PRDM16: variants seen among roughly 807,000 people sequenced by gnomAD.
PRDM16 encodes histone-lysine N-methyltransferase PRDM16.
PRDM16 carries 23 observed loss-of-function variants against 110.6 expected under a neutral mutation model. That is an observed-to-expected ratio of 0.21 (90% CI 0.15 to 0.29). PRDM16 has a LOEUF of 0.29. Among genes scored for constraint, PRDM16 ranks in the 10% least tolerant of loss-of-function variants. The probability of loss-of-function intolerance (pLI) is 1.00; values close to 1 mark genes in which losing one functional copy is unlikely to be tolerated. For synonymous variants in PRDM16, 799 were observed against 781.8 expected (o/e 1.02, Z -0.37); for missense variants, 1,615 against 1,794.3 (o/e 0.90, Z 1.81).
At chr1:3,314,324 T>G (rs1009724548) in intron 3 of PRDM16, among the ~76,000 whole-genome samples, 1 of 152,136 alleles carries the variant, frequency 6.6e-6, no homozygotes, top group Non-Finnish European at 1.5e-5. Context: ...AGACTGTTTC[T>G]GAAATCGGTC....
intron 2 of PRDM16, among the ~76,000 whole-genome samples, chr1:3,198,036 G>C (rs1332152403): frequency 1.3e-5 from 2 of 152,212 alleles, no homozygotes; most frequent in African/African-American, 4.8e-5. Context: ...GCCTCAACCA[G>C]AGATGAGGGT....
intron 1 of PRDM16, among the ~76,000 whole-genome samples, chr1:3,090,459 G>A (rs900365816): frequency 1.3e-5 from 2 of 152,206 alleles, no homozygotes; most frequent in African/African-American, 2.4e-5. Context: ...CAGGCCGGGC[G>A]ACTGGCTCCC....
chr1:3,113,754 C>T (rs1031310375), intron 1 of PRDM16, among the ~76,000 whole-genome samples: 9 of 152,200 alleles, frequency 5.9e-5, no homozygotes, highest in African/African-American at 2.2e-4. Context: ...GCAGAACCCC[C>T]GTCTGGGGGC....
chr1:3,075,414 C>A (rs1641874795), intron 1 of PRDM16, among the ~76,000 whole-genome samples: 1 of 152,212 alleles, frequency 6.6e-6, no homozygotes, highest in African/African-American at 2.4e-5. Context: ...CCCCTGGGGA[C>A]AAATGCGATT....
chr1:3,094,945 G>A (rs1028774358), intron 1 of PRDM16, among the ~76,000 whole-genome samples: 4 of 152,210 alleles, frequency 2.6e-5, no homozygotes, highest in Admixed American at 6.5e-5. Flanking sequence ...CCCGGTGCTC[G>A]TGACCGAGAC....
chr1:3,349,628 A>G (rs575552579), intron 3 of PRDM16, among the ~76,000 whole-genome samples: 1 of 152,190 alleles, frequency 6.6e-6, no homozygotes, highest in Non-Finnish European at 1.5e-5. Flanking sequence ...GAGCCGAGGC[A>G]GCCCGGCAGA....
intron 1 of PRDM16, among the ~76,000 whole-genome samples, chr1:3,100,277 C>T (rs192402637): frequency 4.0e-4 from 61 of 152,318 alleles, no homozygotes; most frequent in African/African-American, 1.3e-3. Context: ...GTAGCAGCAA[C>T]GCCACATCAC....
At chr1:3,092,796 T>C (rs563788013) in intron 1 of PRDM16, among the ~76,000 whole-genome samples, 1 of 152,148 alleles carries the variant, frequency 6.6e-6, no homozygotes, top group South Asian at 2.1e-4. Context: ...TGGGCTGGGA[T>C]TGGGGTCAGG....
At position 3,300,954 on chromosome 1, in the gene PRDM16, G is replaced by A. The variant is rs181921045; in HGVS notation, c.438+56817G>A. ...ACTTATCACCTGGAAGGCAGTCCCC[G>A]TTTTCTCGTCTCCACCAAGGGAGCT... On this transcript the variant is annotated intron_variant, in intron 3 of 16. Transcript: ENST00000270722. Among the ~76,000 whole-genome samples, 40 of 152,266 alleles carry A rather than the reference G, an allele frequency of 2.6e-4. No homozygotes were observed. In the East Asian group the frequency reaches 6.6e-3, roughly 25 times the overall value.
chr1:3,084,854 T>TG (rs1642114302), intron 1 of PRDM16, among the ~76,000 whole-genome samples: 1 of 152,094 alleles, frequency 6.6e-6, no homozygotes, highest in Non-Finnish European at 1.5e-5. Context: ...AGTGATTCTT[T>TG]GGGCCAGTAG....
intron 3 of PRDM16, among the ~76,000 whole-genome samples, chr1:3,363,238 G>A (rs753961928): frequency 3.9e-5 from 6 of 152,202 alleles, no homozygotes; most frequent in African/African-American, 1.4e-4. Context: ...AGGGCTGCCC[G>A]CCTCTCAAGA....
chr1:3,383,529 G>A (rs907473548), intron 3 of PRDM16, among the ~76,000 whole-genome samples: 8 of 152,188 alleles, frequency 5.3e-5, no homozygotes, highest in East Asian at 1.9e-4. Flanking sequence ...CACAGAGACC[G>A]GGGCACGTGG....
intron 1 of PRDM16, among the ~76,000 whole-genome samples, chr1:3,164,133 G>A (rs907710063): frequency 2.6e-5 from 4 of 152,228 alleles, no homozygotes; most frequent in South Asian, 2.1e-4. Flanking sequence ...AGAGGCCGCC[G>A]CTTCATGAAT....
At chr1:3,070,523 C>A (rs1403600917) in intron 1 of PRDM16, among the ~76,000 whole-genome samples, 2 of 150,312 alleles carry the variant, frequency 1.3e-5, no homozygotes, top group African/African-American at 4.8e-5. Context: ...CCGCCGCCCC[C>A]TCCTCTGCAG....
chr1:3,375,811 G>T (rs1642981154), intron 3 of PRDM16, among the ~76,000 whole-genome samples: 1 of 152,200 alleles, frequency 6.6e-6, no homozygotes, highest in African/African-American at 2.4e-5. Flanking sequence ...TTTCTTCAAT[G>T]TTCATAGACG....
At chr1:3,334,369 G>A (rs1187127058) in intron 3 of PRDM16, among the ~76,000 whole-genome samples, 2 of 152,212 alleles carry the variant, frequency 1.3e-5, no homozygotes, top group Non-Finnish European at 2.9e-5. Flanking sequence ...GCCAGGGGGA[G>A]ATGGCGAGGC....
chr1:3,277,776 C>T (rs372475077), intron 3 of PRDM16, among the ~76,000 whole-genome samples: 12 of 145,746 alleles, frequency 8.2e-5, no homozygotes, highest in Admixed American at 1.4e-4. Flanking sequence ...CGCACACACA[C>T]GCACACATAT....
chr1:3,156,202 C>T (rs1643856839), intron 1 of PRDM16, among the ~76,000 whole-genome samples: 1 of 152,102 alleles, frequency 6.6e-6, no homozygotes, highest in Admixed American at 6.5e-5. Flanking sequence ...AATGAGGGTC[C>T]CGGGCTGCTC....
chr1:3,150,525 T>C, intron 1 of PRDM16, among the ~76,000 whole-genome samples: 1 of 152,028 alleles, frequency 6.6e-6, no homozygotes, highest in East Asian at 1.9e-4. Flanking sequence ...GCCACAGCGC[T>C]CCAGCCTGGG....
Sources: allele counts gnomAD v4.1 joint callset (sites outside exome capture counted in the v4.1 genomes callset), GRCh38; gene constraint gnomAD v4.1.1; transcripts MANE v1.5; gene names NCBI Gene and HGNC (gene_info 2026-07-23, HGNC 2026-07-21).